The following XRCC2 variants were observed in gnomAD, a reference collection of about 807,000 sequenced individuals.
XRCC2 encodes the protein X-ray repair cross complementing 2.
XRCC2 carries 24 observed loss-of-function variants against 27.3 expected under a neutral mutation model. The ratio of observed to expected loss-of-function variants is 0.88; its 90% CI spans 0.64 to 1.24. The LOEUF is 1.24. XRCC2 is among the 50% of genes most tolerant of loss of function. The pLI is 0.00. For synonymous variants in XRCC2, 106 were observed against 115.4 expected (o/e 0.92, Z 0.52); for missense variants, 321 against 325.8 (o/e 0.99, Z 0.11).
Position 152,648,469 on chromosome 7 carries a change from C to G in XRCC2, c.*173G>C. The G allele has an allele frequency of 1.7e-6, 1 of 604,702 alleles. No individual in the cohort carries two copies. Among genetic ancestry groups the G allele is most frequent in the Non-Finnish European group, 2.6e-6 (1 of 380,096 alleles). The allele number at this position is 604,702 out of a possible 1,614,324, so 37.5% of individuals were successfully genotyped here. ...CGAGCAGTGGCTCACGCCTGTAATCCCTGCACTCTAGGAGGCACACATAGG... is the reference window on the plus strand; with the variant it reads ...CGAGCAGTGGCTCACGCCTGTAATCGCTGCACTCTAGGAGGCACACATAGG... On this transcript the variant is annotated 3_prime_UTR_variant, in exon 3 of 3. Coordinates refer to ENST00000359321, the MANE Select transcript of XRCC2 (RefSeq NM_005431.2).
At chr7:152,652,229 C>T (rs568759352) in intron 2 of XRCC2, among the ~76,000 whole-genome samples, 44 of 151,704 alleles carry the variant, frequency 2.9e-4, no homozygotes, top group Non-Finnish European at 2.2e-4. Context: ...TTCATATTAA[C>T]AATTGTCCAT....
At chr7:152,669,863 C>T (rs1199548161) in intron 1 of XRCC2, among the ~76,000 whole-genome samples, 5 of 151,178 alleles carry the variant, frequency 3.3e-5, no homozygotes, top group East Asian at 3.9e-4. Flanking sequence ...TTCGGGAGGC[C>T]GAGGTGAAAG....
rs1460834336 is a variant in XRCC2, at chr7:152,645,982, G to A, written c.*2660C>T. 6.6e-6 allele frequency: 1 copy of A among 152,184 alleles called. No homozygotes were observed. Among genetic ancestry groups the A allele is most frequent in the African/African-American group, 2.4e-5 (1 of 41,440 alleles). The allele number at this position is 152,184 out of a possible 1,614,324, so 9.4% of individuals were successfully genotyped here. On this transcript the variant is annotated 3_prime_UTR_variant, in exon 3 of 3. Coordinates refer to ENST00000359321, the MANE Select transcript of XRCC2 (RefSeq NM_005431.2). ...ACTGTCATTTTAACTGGAGTCCTCA[G>A]TCCCTTTGCATGTAATGTAATGATT...
chr7:152,660,532 C>A (rs2098032615), intron 2 of XRCC2, among the ~76,000 whole-genome samples, 169 bp downstream of exon 2: 1 of 152,200 alleles, frequency 6.6e-6, no homozygotes, highest in African/African-American at 2.4e-5. Flanking sequence ...TTGTCTGACA[C>A]CGATGAGGAA....
intron 1 of XRCC2, among the ~76,000 whole-genome samples, chr7:152,669,835 T>C (rs1056426638): frequency 6.6e-6 from 1 of 151,264 alleles, no homozygotes; most frequent in African/African-American, 2.4e-5. Flanking sequence ...TCGTGGCTCA[T>C]GCCTGTAATC....
At position 152,659,624 on chromosome 7, in the gene XRCC2, T is replaced by A. The variant is rs58054074; in HGVS notation, c.121+1077A>T. On this transcript the variant is annotated intron_variant, in intron 2 of 2. Coordinates refer to ENST00000359321, the MANE Select transcript of XRCC2 (RefSeq NM_005431.2). ...AGATAACACTTCATACTGACTAGGATGGCTATTATCAAAAAGACAGACAAT... is the reference window on the plus strand; with the variant it reads ...AGATAACACTTCATACTGACTAGGAAGGCTATTATCAAAAAGACAGACAAT... Among the ~76,000 whole-genome samples, 1,133 of 136,196 alleles carry A rather than the reference T, an allele frequency of 8.3e-3. 14 individuals are homozygous for A. The highest frequency in any genetic ancestry group is 0.031 in the African/African-American group (1,076 of 35,098). The allele number at this position is 136,196 out of a possible 152,430, so 89.3% of individuals were successfully genotyped here. A position where few individuals can be genotyped will look rare whatever the true frequency, so the allele number is the denominator to read the frequency against.
At chr7:152,670,983 G>C (rs1251391306) in intron 1 of XRCC2, among the ~76,000 whole-genome samples, 1 of 152,176 alleles carries the variant, frequency 6.6e-6, no homozygotes, top group African/African-American at 2.4e-5. Flanking sequence ...GGGTGGCCAA[G>C]GCGGGCAGAT....
At chr7:152,657,056 G>A (rs1010671183) in intron 2 of XRCC2, among the ~76,000 whole-genome samples, 6 of 151,730 alleles carry the variant, frequency 4.0e-5, no homozygotes, top group African/African-American at 1.2e-4. Flanking sequence ...GGCCAACGTG[G>A]TGAAACCCCG....
At chr7:152,659,091 G>A (rs2098031982) in intron 2 of XRCC2, among the ~76,000 whole-genome samples, 1 of 151,574 alleles carries the variant, frequency 6.6e-6, no homozygotes, top group African/African-American at 2.4e-5. Flanking sequence ...CTTACCAACA[G>A]TGCAAAAGGG....
chr7:152,653,027 G>A (rs978008134), intron 2 of XRCC2, among the ~76,000 whole-genome samples: 4 of 152,162 alleles, frequency 2.6e-5, no homozygotes, highest in African/African-American at 9.7e-5. Flanking sequence ...CCTCAGTTCT[G>A]CAGGTGATAT....
At chr7:152,676,020 T>A in intron 1 of XRCC2, 21 bp downstream of exon 1, 2 of 1,613,332 alleles carry the variant, frequency 1.2e-6, no homozygotes, top group Non-Finnish European at 1.7e-6. Context: ...TCTCCCTCAC[T>A]CCCAACCCGG....
chr7:152,653,721 C>T (rs2098029496), intron 2 of XRCC2, among the ~76,000 whole-genome samples: 1 of 152,080 alleles, frequency 6.6e-6, no homozygotes, highest in South Asian at 2.1e-4. Context: ...CTCAGCCTCC[C>T]AAAGTGCTAG....
In XRCC2 at chr7:152,649,158, T is replaced by C. The variant is rs1554410529; in HGVS notation, c.327A>G (p.Lys109=). The part of the protein sequence containing the change: ...RLSQSSEEII[K]YCLGRFFLVY... ...CCAAAAAAAATCTTCCCAGGCAGTATTTGATTATTTCTTCAGAGCTTTGGG... is the reference window on the plus strand; with the variant it reads ...CCAAAAAAAATCTTCCCAGGCAGTACTTGATTATTTCTTCAGAGCTTTGGG... The change falls in exon 3 of 3, where the codon AAA becomes AAG. Residue 109 remains lysine (K), a synonymous_variant. Transcript: ENST00000359321. The C allele has an allele frequency of 1.9e-6, 3 of 1,613,694 alleles. No individual in the cohort carries two copies. The highest frequency in any genetic ancestry group is 2.5e-6 in the Non-Finnish European group (3 of 1,179,944).
rs994941759 is a variant in XRCC2 at position 152,645,089 on chromosome 7, C to T, written c.*3553G>A. 3.0e-4 allele frequency: 46 copies of T among 152,022 alleles called. 1 individual carries two copies. The highest frequency in any genetic ancestry group is 2.7e-3 in the Admixed American group (41 of 15,266). 9.4% of individuals were successfully genotyped at this position (152,022 alleles called of 1,614,324 possible). ...GTGTGTTTACGTAAAATTAAATGAGCGCTGGCAGTGAGCTGCACTTTTTTT... is the reference window on the plus strand; with the variant it reads ...GTGTGTTTACGTAAAATTAAATGAGTGCTGGCAGTGAGCTGCACTTTTTTT... On this transcript the variant is annotated 3_prime_UTR_variant, in exon 3 of 3. Coordinates refer to ENST00000359321, the MANE Select transcript of XRCC2 (RefSeq NM_005431.2).
At position 152,676,084 on chromosome 7, in the gene XRCC2, C is replaced by G. The variant is rs1554413532; in HGVS notation, c.-5G>C. On this transcript the variant is annotated 5_prime_UTR_variant, in exon 1 of 3. Coordinates refer to ENST00000359321, the MANE Select transcript of XRCC2 (RefSeq NM_005431.2). ...CCTATGGAAGGCACTACACATCGCC[C>G]CGAAGGCTCGGCGCAGGAGAGACTC... 1 of 1,613,846 alleles carries G rather than the reference C, an allele frequency of 6.2e-7. No individual in the cohort carries two copies. Among genetic ancestry groups the G allele is most frequent in the Middle Eastern group, 1.6e-4 (1 of 6,062 alleles).
intron 2 of XRCC2, among the ~76,000 whole-genome samples, chr7:152,652,181 A>C (rs1322127560): frequency 1.9e-5 from 1 of 52,664 alleles, no homozygotes; most frequent in Non-Finnish European, 5.1e-5. Flanking sequence ...AAAGAAAAGA[A>C]AAAAAAAAAG....
Position 152,667,405 on chromosome 7 carries a change from C to CAA in XRCC2, c.40-6625_40-6624dup, listed in dbSNP as rs60136474. Among the ~76,000 whole-genome samples, 719 of 75,800 alleles carry CAA rather than the reference C, an allele frequency of 9.5e-3. 28 individuals are homozygous for CAA. The highest frequency in any genetic ancestry group is 0.052 in the African/African-American group (643 of 12,418). The allele number at this position is 75,800 out of a possible 152,430, so 49.7% of individuals were successfully genotyped here. A position where few individuals can be genotyped will look rare whatever the true frequency, so the allele number is the denominator to read the frequency against. On this transcript the variant is annotated intron_variant, in intron 1 of 2. Coordinates refer to ENST00000359321, the MANE Select transcript of XRCC2 (RefSeq NM_005431.2). ...GGGCAACAAGAGCAAAACTCCGTCT[C>CAA]AAAAAAAAAAAAAAAAAAAAAGAAA... is the stretch of plus-strand genomic sequence containing the variant.
At chr7:152,675,958 C>CA in intron 1 of XRCC2, 83 bp downstream of exon 1, 1 of 1,588,898 alleles carries the variant, frequency 6.3e-7, no homozygotes, top group Non-Finnish European at 8.6e-7. Context: ...CCAAGCCTCC[C>CA]AATCCCCCGG....
chr7:152,654,908 C>T (rs2116993893), intron 2 of XRCC2, among the ~76,000 whole-genome samples: 1 of 152,280 alleles, frequency 6.6e-6, no homozygotes, highest in South Asian at 2.1e-4. Context: ...TAATGATGAA[C>T]TGAAATCAGT....
Sources: allele counts gnomAD v4.1 joint callset (sites outside exome capture counted in the v4.1 genomes callset), GRCh38; gene constraint gnomAD v4.1.1; transcripts MANE v1.5; gene names NCBI Gene and HGNC (gene_info 2026-07-23, HGNC 2026-07-21).